TEK: variants seen among roughly 807,000 people sequenced by gnomAD.
TEK encodes the protein angiopoietin-1 receptor.
A neutral mutation model predicts 131.8 loss-of-function variants in TEK; 43 were observed. The ratio of observed to expected loss-of-function variants is 0.33; its 90% CI spans 0.26 to 0.42. TEK has a LOEUF of 0.42. Among genes scored for constraint, TEK ranks in the 10% least tolerant of loss-of-function variants. The probability of loss-of-function intolerance (pLI) is 1.00; values close to 1 mark genes in which losing one functional copy is unlikely to be tolerated. For synonymous variants in TEK, 580 were observed against 491.6 expected, an observed-to-expected ratio of 1.18 and a Z score of -2.38; for missense variants, 1,162 against 1,384.4, an observed-to-expected ratio of 0.84 and a Z score of 2.55.
chr9:27,220,231 G>C lies in TEK; in HGVS notation c.3200+86G>C, dbSNP rs547291608. On this transcript the variant is annotated intron_variant, in intron 21 of 22. Coordinates refer to ENST00000380036, the MANE Select transcript of TEK (RefSeq NM_000459.5). ...CCAGCTGACTCTAGCAAAGTCAGCCGGTATACACTATACACAAACACCTAC... is the reference window on the plus strand; with the variant it reads ...CCAGCTGACTCTAGCAAAGTCAGCCCGTATACACTATACACAAACACCTAC... 1.0e-5 allele frequency: 13 copies of C among 1,256,154 alleles called. No individual in the cohort carries two copies. The South Asian group carries it at 1.5e-4, about 14-fold the overall frequency. The allele number at this position is 1,256,154 out of a possible 1,614,324, so 77.8% of individuals were successfully genotyped here. A position where few individuals can be genotyped will look rare whatever the true frequency, so the allele number is the denominator to read the frequency against.
chr9:27,205,136 A>T (rs993487754), intron 14 of TEK, 71 bp downstream of exon 14: 1 of 1,580,512 alleles, frequency 6.3e-7, no homozygotes. Context: ...CTTTAAAGAT[A>T]TGGACCAGGA....
At position 27,205,009 on chromosome 9, in the gene TEK, T is replaced by C. The variant is rs1356251269; in HGVS notation, c.2308T>C (p.Leu770=). The change falls in exon 14 of 23, where the codon TTG becomes CTG. Residue 770 remains leucine, a synonymous_variant. Transcript: ENST00000380036. ...LTVLLAFLII[L]QLKRANVQRR... ...TGTGCTGTTGGCCTTTCTGATCATA[T>C]TGCAATTGAAGAGGGCAAATGTGCA... 2.5e-6 allele frequency: 4 copies of C among 1,613,950 alleles called. No individual in the cohort carries two copies. The highest frequency in any genetic ancestry group is 3.4e-6 in the Non-Finnish European group (4 of 1,179,960).
At chr9:27,220,925 G>A (rs1826042138) in intron 21 of TEK, among the ~76,000 whole-genome samples, 1 of 152,220 alleles carries the variant, frequency 6.6e-6, no homozygotes, top group Non-Finnish European at 1.5e-5. Flanking sequence ...ACACCAGCAA[G>A]TAAGAACTAT....
At chr9:27,115,522 C>CGAAT (rs1657099600) in intron 1 of TEK, among the ~76,000 whole-genome samples, 2 of 151,646 alleles carry the variant, frequency 1.3e-5, no homozygotes, top group African/African-American at 2.4e-5. Context: ...AACAAACAAA[C>CGAAT]GAAACTAAAT....
intron 15 of TEK, among the ~76,000 whole-genome samples, chr9:27,208,296 C>A (rs940566929): frequency 6.6e-5 from 10 of 152,124 alleles, no homozygotes; most frequent in Admixed American, 2.0e-4. Flanking sequence ...GCATGAGCAG[C>A]CATGTTTATG....
chr9:27,186,708 A>T (rs1423616595), intron 9 of TEK, among the ~76,000 whole-genome samples: 3 of 152,112 alleles, frequency 2.0e-5, no homozygotes, highest in African/African-American at 7.2e-5. Flanking sequence ...AGAGGAGGAG[A>T]CTGTGAGGTG....
chr9:27,215,605 G>T (rs916002662), intron 18 of TEK, among the ~76,000 whole-genome samples: 2 of 149,602 alleles, frequency 1.3e-5, no homozygotes, highest in African/African-American at 2.5e-5. Flanking sequence ...TTTAATACTG[G>T]AAGTATTACT....
At chr9:27,116,685 G>T (rs749847542) in intron 1 of TEK, among the ~76,000 whole-genome samples, 1 of 152,186 alleles carries the variant, frequency 6.6e-6, no homozygotes, top group Non-Finnish European at 1.5e-5. Context: ...TATATGGTAA[G>T]TGAAGCCACG....
chr9:27,221,466 TGTGCTCCCTGACTGGGA>T (rs1387853275), intron 21 of TEK, among the ~76,000 whole-genome samples: 47 of 45,714 alleles, frequency 1.0e-3, no homozygotes, highest in South Asian at 1.2e-3. Flanking sequence ...ACCCGACCCC[TGTGCTCCCTGACTGGGA>T]GACATCTCCC....
At position 27,158,673 on chromosome 9, in the gene TEK, T is replaced by G. The variant is rs758884257; in HGVS notation, c.364+531T>G. Among the ~76,000 whole-genome samples the G allele has an allele frequency of 3.7e-3, 557 of 151,194 alleles. 1 individual carries two copies. The highest frequency in any genetic ancestry group is 6.8e-3 in the Middle Eastern group (2 of 294). The stretch of plus-strand genomic sequence containing the variant: ...AACTTTCTTTTCCTTTTTTTTTTTT[T>G]TTGGGGGGGTGGAGTCTCACTCTGT... On this transcript the variant is annotated intron_variant, in intron 2 of 22. Transcript: ENST00000380036.
At chr9:27,219,710 C>T (rs541564169) in intron 20 of TEK, among the ~76,000 whole-genome samples, 2 of 151,016 alleles carry the variant, frequency 1.3e-5, no homozygotes, top group Non-Finnish European at 2.9e-5. Context: ...AGTTATAAAA[C>T]TATGGACTTC....
intron 1 of TEK, among the ~76,000 whole-genome samples, chr9:27,129,496 A>G (rs1220826231): frequency 6.6e-6 from 1 of 152,032 alleles, no homozygotes; most frequent in African/African-American, 2.4e-5. Context: ...TTGCATATAT[A>G]CCACTTGGCA....
intron 16 of TEK, among the ~76,000 whole-genome samples, chr9:27,211,169 G>GAA (rs1808867048): frequency 9.1e-5 from 2 of 21,998 alleles, no homozygotes; most frequent in Admixed American, 5.6e-4. Context: ...ATATATGTAT[G>GAA]TGTATATATA....
intron 1 of TEK, among the ~76,000 whole-genome samples, chr9:27,138,934 G>T (rs1822609785): frequency 6.6e-6 from 1 of 152,082 alleles, no homozygotes; most frequent in Non-Finnish European, 1.5e-5. Flanking sequence ...TCTTAGATGG[G>T]CACGGTGGCT....
At position 27,229,158 on chromosome 9, in the gene TEK, A is replaced by G. The variant is rs759946610; in HGVS notation, c.3301A>G (p.Thr1101Ala). ...SLNRMLEERK[T>A]YVNTTLYEKF... ...CTCTGAACCATTTTCATTCTTCCAG[A>G]CCTACGTGAATACCACGCTTTATGA... The change falls in exon 23 of 23, where the codon ACC (threonine) becomes GCC (alanine). Residue 1101 changes from threonine (T) to alanine (A), a missense_variant and splice_region_variant. Physicochemically the swap from Thr to Ala is moderately conservative, Grantham distance 58. Around this residue, in one of 6 missense-constraint regions of TEK, gnomAD observed 84 missense variants for 80.3 expected, o/e 1.05. Coordinates refer to ENST00000380036, the MANE Select transcript of TEK (RefSeq NM_000459.5). The G allele has an allele frequency of 7.4e-6, 12 of 1,613,604 alleles. No homozygotes were observed. Among genetic ancestry groups the G allele is most frequent in the Non-Finnish European group, 1.0e-5 (12 of 1,179,662 alleles).
At chr9:27,214,245 G>A (rs557620639) in intron 18 of TEK, among the ~76,000 whole-genome samples, 8 of 152,328 alleles carry the variant, frequency 5.3e-5, no homozygotes, top group African/African-American at 1.7e-4. Flanking sequence ...TAGAAGTACC[G>A]CATCCCTGCA....
At chr9:27,168,809 A>G (rs1222000823) in intron 3 of TEK, among the ~76,000 whole-genome samples, 3 of 152,232 alleles carry the variant, frequency 2.0e-5, no homozygotes, top group East Asian at 1.9e-4. Flanking sequence ...TGGAATTCAT[A>G]TATATGAATG....
At chr9:27,183,920 C>T (rs963929318) in intron 8 of TEK, among the ~76,000 whole-genome samples, 12 of 152,304 alleles carry the variant, frequency 7.9e-5, no homozygotes, top group Admixed American at 2.6e-4. Flanking sequence ...ACGTGTCAAT[C>T]TGTGCAAAGC....
At chr9:27,167,075 A>G (rs1179033853) in intron 2 of TEK, among the ~76,000 whole-genome samples, 3 of 152,182 alleles carry the variant, frequency 2.0e-5, no homozygotes, top group African/African-American at 7.2e-5. Flanking sequence ...TCTGCAGATT[A>G]TGATATAAGT....
Sources: allele counts gnomAD v4.1 joint callset (sites outside exome capture counted in the v4.1 genomes callset), GRCh38; gene constraint gnomAD v4.1.1; regional missense constraint gnomAD v4.1.1; transcripts MANE v1.5; gene names NCBI Gene and HGNC (gene_info 2026-07-23, HGNC 2026-07-21).